The following ATP10A variants were observed in gnomAD, a reference collection of about 807,000 sequenced individuals.
ATP10A encodes the protein phospholipid-transporting ATPase VA.
A neutral mutation model predicts 147.8 loss-of-function variants in ATP10A; 111 were observed. That is an observed-to-expected ratio of 0.75 (90% CI 0.64 to 0.88). The LOEUF (loss-of-function observed/expected upper bound fraction) is 0.88, where lower values mean the gene tolerates loss of function less well. ATP10A is among the 40% of genes least tolerant of loss of function. The pLI is 0.00. For synonymous variants in ATP10A, 875 were observed against 841.6 expected (o/e 1.04, Z -0.69); for missense variants, 1,927 against 1,959.0 (o/e 0.98, Z 0.31).
intron 2 of ATP10A, among the ~76,000 whole-genome samples, chr15:25,775,269 A>T (rs182452470): frequency 1.1e-3 from 175 of 152,214 alleles, no homozygotes; most frequent in African/African-American, 2.0e-3. Context: ...GCAGTTTTTT[A>T]AAAAAAATAT....
intron 2 of ATP10A, among the ~76,000 whole-genome samples, chr15:25,737,232 G>A (rs931871073): frequency 6.6e-6 from 1 of 152,150 alleles, no homozygotes; most frequent in Non-Finnish European, 1.5e-5. Context: ...TCCAGAGCAG[G>A]GCTCTGTTTC....
intron 1 of ATP10A, among the ~76,000 whole-genome samples, chr15:25,786,354 C>T (rs1017593212): frequency 7.2e-5 from 11 of 152,180 alleles, no homozygotes; most frequent in African/African-American, 1.2e-4. Flanking sequence ...CCGTCACCAC[C>T]GCAGTTTTAC....
chr15:25,752,098 G>A (rs4491482), intron 2 of ATP10A, among the ~76,000 whole-genome samples: 116,816 of 152,062 alleles, frequency 0.77, 45,923 homozygotes, highest in Non-Finnish European at 0.85. Flanking sequence ...ATGGAAAACT[G>A]TATGGAGGTT....
rs1006755951 is a variant in ATP10A, at chr15:25,678,745, G to A, written c.*596C>T. 6.6e-6 allele frequency: 1 copy of A among 152,172 alleles called. No individual in the cohort carries two copies. Among genetic ancestry groups the A allele is most frequent in the Non-Finnish European group, 1.5e-5 (1 of 68,044 alleles). The allele number at this position is 152,172 out of a possible 1,614,324, so 9.4% of individuals were successfully genotyped here. A position where few individuals can be genotyped will look rare whatever the true frequency, so the allele number is the denominator to read the frequency against. ...GTGAAAGTTGTTTATTGCTTGTTAC[G>A]ATTTAACAGGCAAAATACGACACCA... On this transcript the variant is annotated 3_prime_UTR_variant, in exon 21 of 21. Transcript: ENST00000555815.
chr15:25,759,784 G>T (rs1322243404), intron 2 of ATP10A, among the ~76,000 whole-genome samples: 1 of 148,438 alleles, frequency 6.7e-6, no homozygotes, highest in Non-Finnish European at 1.5e-5. Flanking sequence ...ACTCCAGCCT[G>T]GGTGGAGACC....
chr15:25,862,534 G>GT, intron 1 of ATP10A, 114 bp downstream of exon 1: 1 of 1,249,988 alleles, frequency 8.0e-7, no homozygotes. Context: ...TCCACCCTGA[G>GT]TGGAGCTGCC....
At chr15:25,720,884 C>G (rs145888692) in intron 7 of ATP10A, among the ~76,000 whole-genome samples, 1 of 152,174 alleles carries the variant, frequency 6.6e-6, no homozygotes. Context: ...CTAGTCATGC[C>G]CGCTTGCGTT....
intron 2 of ATP10A, among the ~76,000 whole-genome samples, chr15:25,763,056 C>T (rs1888845674): frequency 6.6e-6 from 1 of 152,004 alleles, no homozygotes; most frequent in Non-Finnish European, 1.5e-5. Context: ...CTAAAAACAA[C>T]CAGTTAATGA....
At chr15:25,704,875 T>C (rs566543022) in intron 12 of ATP10A, among the ~76,000 whole-genome samples, 1 of 152,206 alleles carries the variant, frequency 6.6e-6, no homozygotes, top group Middle Eastern at 3.4e-3. Context: ...CATTTCTGAG[T>C]ATCATAACTC....
intron 15 of ATP10A, among the ~76,000 whole-genome samples, chr15:25,689,766 C>T (rs1188154705): frequency 6.6e-6 from 1 of 152,240 alleles, no homozygotes; most frequent in Non-Finnish European, 1.5e-5. Context: ...CCCTATGGCT[C>T]AGCTGTTCCC....
intron 2 of ATP10A, among the ~76,000 whole-genome samples, chr15:25,754,648 A>G (rs187749213): frequency 6.6e-6 from 1 of 152,196 alleles, no homozygotes; most frequent in Admixed American, 6.5e-5. Context: ...GCCCTGAGAA[A>G]CCCAATATCC....
chr15:25,685,607 G>A (rs551778399), intron 16 of ATP10A, among the ~76,000 whole-genome samples: 9 of 152,182 alleles, frequency 5.9e-5, no homozygotes, highest in Admixed American at 4.6e-4. Context: ...GAGATGGGAC[G>A]ATAGCTTGAG....
In ATP10A at chr15:25,771,753, C is replaced by CT. The variant is rs770092381; in HGVS notation, c.654+9265dup. Among the ~76,000 whole-genome samples the CT allele has an allele frequency of 3.2e-3, 456 of 143,450 alleles. 6 individuals carry two copies. The highest frequency in any genetic ancestry group is 0.016 in the Admixed American group (224 of 14,310). The allele number at this position is 143,450 out of a possible 152,430, so 94.1% of individuals were successfully genotyped here. On this transcript the variant is annotated intron_variant, in intron 2 of 20. Coordinates refer to ENST00000555815, the MANE Select transcript of ATP10A (RefSeq NM_024490.4). ...GAATACTACACCTCCTGAAAGCCAC[C>CT]TTTTTTTTTTTTTTGAGACAGAGTC...
chr15:25,727,370 G>C, intron 3 of ATP10A, 104 bp from the exon 4 acceptor site: 1 of 1,026,196 alleles, frequency 9.7e-7, no homozygotes. Flanking sequence ...ATGAAAGCTT[G>C]GGGCCGCTGG....
At chr15:25,731,621 T>A (rs1902998773) in intron 3 of ATP10A, among the ~76,000 whole-genome samples, 1 of 152,082 alleles carries the variant, frequency 6.6e-6, no homozygotes, top group African/African-American at 2.4e-5. Context: ...GGAGATGACA[T>A]CTCAGGGTTG....
intron 6 of ATP10A, 62 bp downstream of exon 6, chr15:25,723,829 G>A (rs1427511496): frequency 7.1e-7 from 1 of 1,413,444 alleles, no homozygotes; most frequent in Non-Finnish European, 9.5e-7. Flanking sequence ...AACAGAGTAT[G>A]ATGATTTTAA....
chr15:25,679,974 T>C lies in ATP10A; in HGVS notation c.3867A>G (p.Arg1289=), dbSNP rs1899303937. 6.3e-7 allele frequency: 1 copy of C among 1,590,514 alleles called. No homozygotes were observed. Among genetic ancestry groups the C allele is most frequent in the Non-Finnish European group, 8.6e-7 (1 of 1,164,138 alleles). Residue 1289 remains arginine (R), a splice_region_variant and synonymous_variant, in exon 21 of 21, where the codon AGA becomes AGG. Transcript: ENST00000555815. Reference sequence around the variant, plus strand: ...TCCCCTGGAGGGATCTGAAAAACAATCTAGAAAAAGTACATTAAAACAAAA... The same window carrying C: ...TCCCCTGGAGGGATCTGAAAAACAACCTAGAAAAAGTACATTAAAACAAAA... ...LMTPVAALLP[R]LFFRSLQGRV...
intron 2 of ATP10A, among the ~76,000 whole-genome samples, chr15:25,778,090 C>A (rs1205913215): frequency 6.6e-6 from 1 of 152,054 alleles, no homozygotes; most frequent in Non-Finnish European, 1.5e-5. Flanking sequence ...GACTGGACCC[C>A]GCTGGATACC....
At chr15:25,708,402 T>A in intron 10 of ATP10A, 102 bp from the exon 11 acceptor site, 1 of 967,020 alleles carries the variant, frequency 1.0e-6, no homozygotes, top group Non-Finnish European at 1.6e-6. Flanking sequence ...TACTTGCGAA[T>A]AGAGCACAAA....
Sources: gnomAD v4.1 joint callset for allele counts (sites outside exome capture counted in the v4.1 genomes callset) on GRCh38, gnomAD v4.1.1 for gene constraint, MANE v1.5 for transcripts, NCBI Gene and HGNC (gene_info 2026-07-23, HGNC 2026-07-21) for gene names.